Variants in UQCC1 observed in about 807,000 individuals in gnomAD.
The protein encoded by UQCC1 is ubiquinol-cytochrome c reductase complex assembly factor 1.
A neutral mutation model predicts 48.0 loss-of-function variants in UQCC1; 38 were observed. The observed-to-expected ratio is 0.79, with a 90% confidence interval of 0.61 to 1.04. The LOEUF (loss-of-function observed/expected upper bound fraction) is 1.04, where lower values mean the gene tolerates loss of function less well. Among genes scored for constraint, UQCC1 ranks in the 50% least tolerant of loss-of-function variants. The pLI is 0.00. For synonymous variants in UQCC1, 111 were observed against 129.2 expected (o/e 0.86, Z 0.95); for missense variants, 368 against 381.8 (o/e 0.96, Z 0.30).
intron 2 of UQCC1, among the ~76,000 whole-genome samples, chr20:35,391,586 G>C (rs936087705): frequency 6.6e-6 from 1 of 151,440 alleles, no homozygotes; most frequent in East Asian, 1.9e-4. Flanking sequence ...TAGTGCCACT[G>C]CCAAGATAGT....
intron 7 of UQCC1, 145 bp from the exon 8 acceptor site, chr20:35,314,910 T>G: frequency 1.9e-6 from 1 of 532,256 alleles, no homozygotes; most frequent in Non-Finnish European, 3.2e-6. Flanking sequence ...CCATTCTCAA[T>G]TCCCTGATGT....
chr20:35,353,025 T>A (rs954063295), intron 6 of UQCC1, among the ~76,000 whole-genome samples: 1 of 151,946 alleles, frequency 6.6e-6, no homozygotes, highest in African/African-American at 2.4e-5. Context: ...GAATAAAATT[T>A]AAAAAAACAG....
At chr20:35,364,053 C>T (rs1014667639) in intron 6 of UQCC1, among the ~76,000 whole-genome samples, 6 of 152,200 alleles carry the variant, frequency 3.9e-5, no homozygotes, top group Admixed American at 1.3e-4. Flanking sequence ...CCTGGTGACC[C>T]TTCCACTACA....
At chr20:35,314,817 C>G (rs761010682) in intron 7 of UQCC1, 52 bp from the exon 8 acceptor site, 4 of 1,478,426 alleles carry the variant, frequency 2.7e-6, no homozygotes, top group Non-Finnish European at 3.7e-6. Flanking sequence ...AAGAAAAAAA[C>G]CCAAAAAGTA....
chr20:35,339,703 GATGT>G (rs1385931906), intron 7 of UQCC1, among the ~76,000 whole-genome samples: 1 of 152,126 alleles, frequency 6.6e-6, no homozygotes, highest in Non-Finnish European at 1.5e-5. Context: ...ATTTTTAAAG[GATGT>G]AAGAGTAATA....
intron 7 of UQCC1, among the ~76,000 whole-genome samples, chr20:35,324,502 A>AT (rs2061168607): frequency 6.6e-6 from 1 of 152,024 alleles, no homozygotes; most frequent in South Asian, 2.1e-4. Context: ...AATTTGTTGT[A>AT]TTTTTAGTAG....
intron 1 of UQCC1, among the ~76,000 whole-genome samples, chr20:35,402,243 G>C (rs903949197): frequency 6.6e-6 from 1 of 151,472 alleles, no homozygotes; most frequent in African/African-American, 2.4e-5. Context: ...AGGAGTTCGA[G>C]ACCAGCCTGG....
At chr20:35,341,144 C>G (rs1056710133) in intron 7 of UQCC1, among the ~76,000 whole-genome samples, 1 of 150,382 alleles carries the variant, frequency 6.6e-6, no homozygotes, top group African/African-American at 2.5e-5. Flanking sequence ...TCGCTGGAAC[C>G]CAGGAGGCAG....
intron 9 of UQCC1, 39 bp downstream of exon 9, chr20:35,306,627 G>T: frequency 6.5e-7 from 1 of 1,529,394 alleles, no homozygotes; most frequent in Non-Finnish European, 9.1e-7. Flanking sequence ...AGGACCCACT[G>T]TTGCCAGGAC....
At chr20:35,363,978 T>C (rs1317690739) in intron 6 of UQCC1, among the ~76,000 whole-genome samples, 2 of 152,134 alleles carry the variant, frequency 1.3e-5, no homozygotes, top group Non-Finnish European at 2.9e-5. Context: ...ACGATTCCAT[T>C]AGAAGAAAGA....
chr20:35,402,199 T>C (rs1233232511), intron 1 of UQCC1, among the ~76,000 whole-genome samples: 1 of 151,940 alleles, frequency 6.6e-6, no homozygotes, highest in Non-Finnish European at 1.5e-5. Flanking sequence ...TCCCAACACT[T>C]TGTGAGGCTG....
intron 1 of UQCC1, among the ~76,000 whole-genome samples, chr20:35,398,287 A>G (rs2062110445): frequency 6.6e-6 from 1 of 152,222 alleles, no homozygotes; most frequent in South Asian, 2.1e-4. Flanking sequence ...ATATTAGATA[A>G]TCACCTCTGT....
At chr20:35,341,594 C>T (rs977130557) in intron 7 of UQCC1, among the ~76,000 whole-genome samples, 2 of 152,030 alleles carry the variant, frequency 1.3e-5, no homozygotes, top group African/African-American at 2.4e-5. Context: ...CAGGAATTCA[C>T]CTGGAAGACA....
At chr20:35,306,284 G>T (rs1350821060) in intron 9 of UQCC1, among the ~76,000 whole-genome samples, 1 of 152,158 alleles carries the variant, frequency 6.6e-6, no homozygotes, top group Non-Finnish European at 1.5e-5. Context: ...AAATCCAAGT[G>T]GGTAGAGAAG....
chr20:35,393,863 A>G (rs1057188368), intron 2 of UQCC1, among the ~76,000 whole-genome samples: 3 of 152,224 alleles, frequency 2.0e-5, no homozygotes, highest in African/African-American at 7.2e-5. Flanking sequence ...AGTAAAAATC[A>G]TCAGACTGTA....
intron 6 of UQCC1, among the ~76,000 whole-genome samples, chr20:35,348,712 G>A (rs1568673212): frequency 6.6e-6 from 1 of 152,150 alleles, no homozygotes; most frequent in Admixed American, 6.5e-5. Flanking sequence ...GGAATGCAGT[G>A]GCACAAACAC....
chr20:35,327,278 T>C (rs2061205923), intron 7 of UQCC1, among the ~76,000 whole-genome samples: 1 of 152,214 alleles, frequency 6.6e-6, no homozygotes, highest in African/African-American at 2.4e-5. Flanking sequence ...AAAGCAGACA[T>C]TTACATTGTT....
At chr20:35,388,667 G>C (rs1209419994) in intron 2 of UQCC1, among the ~76,000 whole-genome samples, 3 of 152,142 alleles carry the variant, frequency 2.0e-5, no homozygotes, top group African/African-American at 7.2e-5. Flanking sequence ...GCTATGTTCT[G>C]TCCGCTATAT....
chr20:35,349,010 T>A (rs2080095743), intron 6 of UQCC1, among the ~76,000 whole-genome samples: 1 of 152,126 alleles, frequency 6.6e-6, no homozygotes, highest in Admixed American at 6.6e-5. Flanking sequence ...TACAATAGGA[T>A]TACTCACCTA....
Sources: gnomAD v4.1 joint callset for allele counts (sites outside exome capture counted in the v4.1 genomes callset) on GRCh38, gnomAD v4.1.1 for gene constraint, MANE v1.5 for transcripts, NCBI Gene and HGNC (gene_info 2026-07-23, HGNC 2026-07-21) for gene names.